DYNC1LI1: variants seen among roughly 807,000 people sequenced by gnomAD.
DYNC1LI1 encodes dynein cytoplasmic 1 light intermediate chain 1, also known as cytoplasmic dynein 1 light intermediate chain 1.
A neutral mutation model predicts 63.8 loss-of-function variants in DYNC1LI1; 19 were observed. That is an observed-to-expected ratio of 0.30 (90% confidence interval 0.21 to 0.44). The LOEUF (loss-of-function observed/expected upper bound fraction) is 0.44, where lower values mean the gene tolerates loss of function less well. Ranked by LOEUF, DYNC1LI1 falls within the 20% of genes least tolerant of loss-of-function variation. The probability of loss-of-function intolerance (pLI) is 1.00; values close to 1 mark genes in which losing one functional copy is unlikely to be tolerated. For missense variants in DYNC1LI1, 565 were observed against 630.2 expected (o/e 0.90, Z 1.11); for synonymous variants, 225 against 232.3 (o/e 0.97, Z 0.28).
At chr3:32,560,834 G>A (rs1213932475) in intron 2 of DYNC1LI1, among the ~76,000 whole-genome samples, 17 of 150,050 alleles carry the variant, frequency 1.1e-4, no homozygotes, top group East Asian at 5.9e-4. Flanking sequence ...AGAAACCCCC[G>A]TCTACTAAAA....
At chr3:32,556,262 A>G (rs1698113398) in intron 2 of DYNC1LI1, among the ~76,000 whole-genome samples, 1 of 152,174 alleles carries the variant, frequency 6.6e-6, no homozygotes, top group Admixed American at 6.5e-5. Context: ...TGTTTGGTTA[A>G]GTGCCCTCTT....
intron 6 of DYNC1LI1, among the ~76,000 whole-genome samples, chr3:32,535,706 T>C (rs1288221269): frequency 6.6e-6 from 1 of 152,178 alleles, no homozygotes; most frequent in Non-Finnish European, 1.5e-5. Flanking sequence ...TACATTGCAA[T>C]TAAAAATTTA....
chr3:32,560,320 C>A (rs1698172836), intron 2 of DYNC1LI1, among the ~76,000 whole-genome samples: 1 of 152,120 alleles, frequency 6.6e-6, no homozygotes, highest in South Asian at 2.1e-4. Flanking sequence ...GTAGTCCCAG[C>A]TGCTCCAGAG....
chr3:32,562,427 A>G (rs1447045421), intron 2 of DYNC1LI1, among the ~76,000 whole-genome samples: 3 of 151,950 alleles, frequency 2.0e-5, no homozygotes, highest in African/African-American at 7.3e-5. Flanking sequence ...ACAACCTTGG[A>G]CTCCCAGGCT....
chr3:32,552,539 C>T (rs1698057154), intron 2 of DYNC1LI1, among the ~76,000 whole-genome samples: 1 of 151,964 alleles, frequency 6.6e-6, no homozygotes, highest in Admixed American at 6.6e-5. Context: ...TACTAAGATA[C>T]TATGTATTTT....
At chr3:32,551,573 C>A (rs547985710) in intron 2 of DYNC1LI1, among the ~76,000 whole-genome samples, 3 of 152,004 alleles carry the variant, frequency 2.0e-5, no homozygotes, top group Admixed American at 2.0e-4. Context: ...GAATGACTGA[C>A]AAGAGTAAGT....
chr3:32,570,068 G>A (rs189556348), intron 2 of DYNC1LI1: 12 of 567,548 alleles, frequency 2.1e-5, no homozygotes, highest in Admixed American at 9.4e-5. Flanking sequence ...CCTCAGATGA[G>A]CGATCGAATT....
intron 5 of DYNC1LI1, among the ~76,000 whole-genome samples, chr3:32,538,657 C>T (rs1575151150): frequency 6.6e-6 from 1 of 151,364 alleles, no homozygotes; most frequent in South Asian, 2.1e-4. Flanking sequence ...GCCAAGATTG[C>T]GCCACCGCAC....
At chr3:32,540,331 T>C (rs1440230195) in intron 5 of DYNC1LI1, among the ~76,000 whole-genome samples, 1 of 152,134 alleles carries the variant, frequency 6.6e-6, no homozygotes, top group Non-Finnish European at 1.5e-5. Context: ...TGCTGCTACA[T>C]GTTTAAAAGT....
intron 11 of DYNC1LI1, 30 bp downstream of exon 11, chr3:32,529,510 T>C (rs752014900): frequency 2.5e-6 from 4 of 1,575,284 alleles, no homozygotes; most frequent in Non-Finnish European, 3.4e-6. Flanking sequence ...TAAAATGTAT[T>C]GTCTTGTTAT....
chr3:32,557,010 A>C (rs1214931237), intron 2 of DYNC1LI1, among the ~76,000 whole-genome samples: 1 of 152,214 alleles, frequency 6.6e-6, no homozygotes, highest in African/African-American at 2.4e-5. Context: ...GTAAGCTCAT[A>C]ATACATTCCT....
intron 4 of DYNC1LI1, among the ~76,000 whole-genome samples, chr3:32,544,522 CACTCTGGG>C (rs1697925830): frequency 6.6e-6 from 1 of 152,134 alleles, no homozygotes; most frequent in South Asian, 2.1e-4. Flanking sequence ...GTAATCCCAG[CACTCTGGG>C]AGGCCGAGTG....
chr3:32,530,451 A>C lies in DYNC1LI1; in HGVS notation c.1140+10T>G. The C allele has an allele frequency of 6.2e-7, 1 of 1,612,960 alleles. No individual in the cohort carries two copies. Among genetic ancestry groups the C allele is most frequent in the Non-Finnish European group, 8.5e-7 (1 of 1,179,308 alleles). The stretch of plus-strand genomic sequence containing the variant: ...ACCATACTAAGTCTGCTTCTGATAT[A>C]ATTTCATACCTGTAGCTTCATAAGA... On this transcript the variant is annotated intron_variant, in intron 9 of 12. Transcript: ENST00000273130.
Position 32,532,882 on chromosome 3 carries a change from T to C in DYNC1LI1, c.1080+104A>G, listed in dbSNP as rs570280982. 6.5e-6 allele frequency: 9 copies of C among 1,391,944 alleles called. No individual in the cohort carries two copies. In the South Asian group the frequency reaches 1.6e-4, roughly 24 times the overall value. The allele number at this position is 1,391,944 out of a possible 1,614,324, so 86.2% of individuals were successfully genotyped here. ...AAATTATACTTAGAAACCCTCCAGA[T>C]GGAAAAGGACATTTTTGCCTTTCTA... On this transcript the variant is annotated intron_variant, in intron 8 of 12. Coordinates refer to ENST00000273130, the MANE Select transcript of DYNC1LI1 (RefSeq NM_016141.4).
intron 2 of DYNC1LI1, among the ~76,000 whole-genome samples, chr3:32,565,810 T>C (rs1308659097): frequency 1.3e-5 from 2 of 152,156 alleles, no homozygotes; most frequent in Non-Finnish European, 2.9e-5. Flanking sequence ...GGTTTCACCA[T>C]ATTGGCCAGG....
At chr3:32,533,566 CT>C (rs374520445) in intron 7 of DYNC1LI1, among the ~76,000 whole-genome samples, 528 of 139,576 alleles carry the variant, frequency 3.8e-3, no homozygotes, top group African/African-American at 9.5e-3. Context: ...ATACGGTTAC[CT>C]TTTTTTTTTT....
intron 2 of DYNC1LI1, among the ~76,000 whole-genome samples, chr3:32,559,058 C>CTTTT (rs113088362): frequency 0.011 from 1,543 of 141,670 alleles, 31 homozygotes; most frequent in African/African-American, 0.038. Flanking sequence ...ATTACTACTA[C>CTTTT]TTTTTTTTTT....
intron 2 of DYNC1LI1, among the ~76,000 whole-genome samples, chr3:32,546,269 G>T (rs950758856): frequency 6.6e-6 from 1 of 152,152 alleles, no homozygotes; most frequent in Non-Finnish European, 1.5e-5. Context: ...TTAGTCAGGC[G>T]TGGTGGTGCA....
rs35635747 is a variant in DYNC1LI1 at position 32,529,655 on chromosome 3, G to C, written c.1191C>G (p.Ala397=). The C allele has an allele frequency of 1.3e-6, 2 of 1,590,530 alleles. No homozygotes were observed. Among genetic ancestry groups the C allele is most frequent in the East Asian group, 2.2e-5 (1 of 44,646 alleles). Residue 397 remains alanine, a synonymous_variant, in exon 11 of 13, where the codon GCC becomes GCG. Transcript: ENST00000273130. The part of the protein sequence containing the change: ...PPTAAGRPVD[A]SPRVPGGSPR... ...GGGAGCCTCCTGGGACTCTTGGTGA[G>C]GCATCCTATGTAAAAATAGGAAAAT...
Sources: gnomAD v4.1 joint callset for allele counts (sites outside exome capture counted in the v4.1 genomes callset) on GRCh38, gnomAD v4.1.1 for gene constraint, MANE v1.5 for transcripts, NCBI Gene and HGNC (gene_info 2026-07-23, HGNC 2026-07-21) for gene names.